FGF7: variants seen among roughly 807,000 people sequenced by gnomAD.
FGF7 encodes the protein FGF-7.
FGF7 carries 6 observed loss-of-function variants against 20.5 expected under a neutral mutation model. The ratio of observed to expected loss-of-function variants is 0.29; its 90% confidence interval spans 0.16 to 0.58. The LOEUF is 0.58. Among genes scored for constraint, FGF7 ranks in the 20% least tolerant of loss-of-function variants. The pLI is 0.90. For synonymous variants in FGF7, 64 were observed against 74.7 expected (o/e 0.86, Z 0.74); for missense variants, 144 against 228.8 (o/e 0.63, Z 2.39).
At chr15:49,475,012 T>C (rs1392631647) in intron 2 of FGF7, among the ~76,000 whole-genome samples, 1 of 152,142 alleles carries the variant, frequency 6.6e-6, no homozygotes, top group Non-Finnish European at 1.5e-5. Context: ...TAGAATAAAC[T>C]ATATTTCAGA....
intron 2 of FGF7, among the ~76,000 whole-genome samples, chr15:49,480,832 G>A (rs1033937074): frequency 6.6e-5 from 10 of 152,098 alleles, no homozygotes; most frequent in Non-Finnish European, 1.3e-4. Flanking sequence ...AGACAGGCAG[G>A]GGATAGAGGA....
chr15:49,424,821 C>A, intron 2 of FGF7: 1 of 308,480 alleles, frequency 3.2e-6, no homozygotes, highest in Non-Finnish European at 6.0e-6. Flanking sequence ...AAAATATATA[C>A]TCCTTGTCCT....
intron 2 of FGF7, among the ~76,000 whole-genome samples, chr15:49,470,688 G>C (rs536534464): frequency 1.3e-5 from 2 of 152,320 alleles, no homozygotes; most frequent in African/African-American, 4.8e-5. Context: ...CAAGAGGAAT[G>C]TGTAAATGTG....
intron 2 of FGF7, among the ~76,000 whole-genome samples, chr15:49,468,566 C>T (rs2054469187): frequency 1.3e-5 from 2 of 152,188 alleles, no homozygotes; most frequent in South Asian, 4.2e-4. Context: ...TGTTTTTTTA[C>T]AATAGTGGAC....
intron 2 of FGF7, among the ~76,000 whole-genome samples, chr15:49,466,069 C>T (rs1440879733): frequency 6.6e-6 from 1 of 152,098 alleles, no homozygotes; most frequent in Non-Finnish European, 1.5e-5. Flanking sequence ...AATAGTACAG[C>T]AGTATGTTCT....
At chr15:49,464,743 A>G (rs1325549162) in intron 2 of FGF7, among the ~76,000 whole-genome samples, 1 of 152,228 alleles carries the variant, frequency 6.6e-6, no homozygotes, top group African/African-American at 2.4e-5. Flanking sequence ...GAAGAATGTA[A>G]GACACAAAAC....
intron 2 of FGF7, among the ~76,000 whole-genome samples, chr15:49,457,848 A>C (rs1487658850): frequency 6.6e-6 from 1 of 151,888 alleles, no homozygotes; most frequent in Non-Finnish European, 1.5e-5. Flanking sequence ...GAAAGCGTTC[A>C]TAATGATATA....
chr15:49,476,164 G>A (rs4321137), intron 2 of FGF7, among the ~76,000 whole-genome samples: 3 of 147,782 alleles, frequency 2.0e-5, no homozygotes, highest in Non-Finnish European at 3.0e-5. Flanking sequence ...CAAATCCTCC[G>A]TTGACCACTT....
chr15:49,480,694 G>C (rs1216267633), intron 2 of FGF7, among the ~76,000 whole-genome samples: 2 of 152,170 alleles, frequency 1.3e-5, no homozygotes, highest in East Asian at 3.9e-4. Flanking sequence ...TGTTGGCCAG[G>C]TTAGTATTGA....
intron 2 of FGF7, among the ~76,000 whole-genome samples, chr15:49,471,966 G>C (rs1000296107): frequency 6.6e-6 from 1 of 151,284 alleles, no homozygotes; most frequent in Admixed American, 6.6e-5. Flanking sequence ...AGACATGACA[G>C]CACAGGTGTT....
chr15:49,441,010 T>C (rs1219728522), intron 2 of FGF7, among the ~76,000 whole-genome samples: 1 of 151,836 alleles, frequency 6.6e-6, no homozygotes, highest in Non-Finnish European at 1.5e-5. Context: ...ATGTTTTATC[T>C]TTCAAAGTGT....
intron 2 of FGF7, among the ~76,000 whole-genome samples, chr15:49,480,607 G>C (rs1453240670): frequency 6.6e-6 from 1 of 150,392 alleles, no homozygotes; most frequent in Non-Finnish European, 1.5e-5. Context: ...TCAGCCTCCT[G>C]AGTAGCTGGG....
intron 2 of FGF7, among the ~76,000 whole-genome samples, chr15:49,457,278 C>T (rs62012204): frequency 0.037 from 5,659 of 151,860 alleles, 195 homozygotes; most frequent in South Asian, 0.13. Context: ...GCGGTAACAA[C>T]GGTGTTAGTA....
intron 2 of FGF7, among the ~76,000 whole-genome samples, chr15:49,458,533 A>G (rs1268206452): frequency 6.6e-6 from 1 of 152,080 alleles, no homozygotes; most frequent in East Asian, 1.9e-4. Context: ...GATAATACTC[A>G]CTAGAAGAAA....
intron 2 of FGF7, among the ~76,000 whole-genome samples, chr15:49,433,853 A>G (rs1282596108): frequency 2.0e-5 from 3 of 151,744 alleles, no homozygotes; most frequent in Non-Finnish European, 4.4e-5. Flanking sequence ...ACAGTAATTC[A>G]TAGTTGATAT....
intron 2 of FGF7, among the ~76,000 whole-genome samples, chr15:49,460,789 C>G (rs1014026666): frequency 2.0e-5 from 3 of 152,150 alleles, no homozygotes; most frequent in African/African-American, 4.8e-5. Context: ...CTGTCCTTAG[C>G]AGAGACATAT....
At chr15:49,462,063 G>T (rs894102514) in intron 2 of FGF7, among the ~76,000 whole-genome samples, 2 of 152,074 alleles carry the variant, frequency 1.3e-5, no homozygotes, top group Admixed American at 1.3e-4. Context: ...CGGTTGCAGT[G>T]AGCTGAGATC....
intron 2 of FGF7, among the ~76,000 whole-genome samples, chr15:49,443,558 T>C (rs555476925): frequency 6.6e-6 from 1 of 151,884 alleles, no homozygotes; most frequent in African/African-American, 2.4e-5. Flanking sequence ...TATAACTGTT[T>C]CATTGTGAAT....
intron 2 of FGF7, among the ~76,000 whole-genome samples, chr15:49,449,585 T>G (rs1343694005): frequency 1.3e-5 from 2 of 152,020 alleles, no homozygotes; most frequent in Non-Finnish European, 2.9e-5. Context: ...AACCTTATAC[T>G]TCTATTAAGG....
Sources: gnomAD v4.1 joint callset for allele counts (sites outside exome capture counted in the v4.1 genomes callset) on GRCh38, gnomAD v4.1.1 for gene constraint, MANE v1.5 for transcripts, NCBI Gene and HGNC (gene_info 2026-07-23, HGNC 2026-07-21) for gene names.